Variants in FOXF2 observed in about 807,000 individuals in gnomAD.
FOXF2 encodes forkhead box F2, also known as forkhead box protein F2.
Under a neutral mutation model 29.1 loss-of-function variants are expected in FOXF2, and 15 were observed. The observed-to-expected ratio is 0.52, with a 90% CI of 0.35 to 0.79. The LOEUF is 0.79. FOXF2 is among the 30% of genes least tolerant of loss of function. The pLI is 0.01. For missense variants in FOXF2, 675 were observed against 667.1 expected (o/e 1.01, Z -0.13); for synonymous variants, 337 against 316.5 (o/e 1.06, Z -0.69).
chr6:1,392,028 G>A (rs1461118818), intron 1 of FOXF2, among the ~76,000 whole-genome samples: 2 of 152,162 alleles, frequency 1.3e-5, no homozygotes, highest in South Asian at 2.1e-4. Context: ...AGCACCTAGG[G>A]CTGCAGATTA....
chr6:1,391,200 A>C, intron 1 of FOXF2, 82 bp downstream of exon 1: 2 of 1,570,588 alleles, frequency 1.3e-6, no homozygotes, highest in East Asian at 4.6e-5. Context: ...CACTCCCACA[A>C]ACAGGGACCC....
rs1758876345 is a variant in FOXF2, at chr6:1,395,033, G to T, written c.*174G>T. The T allele has an allele frequency of 3.0e-6, 2 of 666,388 alleles. No individual in the cohort carries two copies. The highest frequency in any genetic ancestry group is 5.1e-5 in the Admixed American group (2 of 39,236). 41.3% of individuals were successfully genotyped at this position (666,388 alleles called of 1,614,324 possible). On this transcript the variant is annotated 3_prime_UTR_variant, in exon 2 of 2. Transcript: ENST00000645481. ...CACTGTTATTTGCCTACTGCTGGAA[G>T]AAGGACAACCGCTGGCAAGGTAGCG...
At position 1,395,052 on chromosome 6, in the gene FOXF2, G is replaced by C. The variant is rs574899172; in HGVS notation, c.*193G>C. Reference sequence around the variant, plus strand: ...CTGGAAGAAGGACAACCGCTGGCAAGGTAGCGTTCCCCAATCTGAATACCT... The same window carrying C: ...CTGGAAGAAGGACAACCGCTGGCAACGTAGCGTTCCCCAATCTGAATACCT... On this transcript the variant is annotated 3_prime_UTR_variant, in exon 2 of 2. Coordinates refer to ENST00000645481, the MANE Select transcript of FOXF2 (RefSeq NM_001452.2). 2 of 621,872 alleles carry C rather than the reference G, an allele frequency of 3.2e-6. No individual in the cohort carries two copies. The highest frequency in any genetic ancestry group is 1.9e-5 in the South Asian group (1 of 52,284). 38.5% of individuals were successfully genotyped at this position (621,872 alleles called of 1,614,324 possible).
At chr6:1,393,915 G>A (rs1758848522) in intron 1 of FOXF2, among the ~76,000 whole-genome samples, 1 of 152,182 alleles carries the variant, frequency 6.6e-6, no homozygotes, top group African/African-American at 2.4e-5. Flanking sequence ...GGTGCAGGCC[G>A]GGGACCGGGG....
chr6:1,394,149 C>A (rs1268566843), intron 1 of FOXF2, among the ~76,000 whole-genome samples: 1 of 152,252 alleles, frequency 6.6e-6, no homozygotes, highest in Non-Finnish European at 1.5e-5. Flanking sequence ...CTTCATCTTG[C>A]GATTGGGTTG....
chr6:1,391,183 C>T, intron 1 of FOXF2, 65 bp downstream of exon 1: 1 of 1,580,400 alleles, frequency 6.3e-7, no homozygotes, highest in Non-Finnish European at 8.5e-7. Flanking sequence ...GGGCTGGCGG[C>T]CACTGCCACT....
At chr6:1,392,879 CG>C (rs1283732647) in intron 1 of FOXF2, among the ~76,000 whole-genome samples, 2 of 152,208 alleles carry the variant, frequency 1.3e-5, no homozygotes, top group African/African-American at 4.8e-5. Flanking sequence ...TGGGAACGCC[CG>C]GGGGAGACAA....
At chr6:1,392,477 C>CAA (rs3063208) in intron 1 of FOXF2, among the ~76,000 whole-genome samples, 3 of 149,486 alleles carry the variant, frequency 2.0e-5, no homozygotes, top group East Asian at 4.1e-4. Flanking sequence ...CACACACACA[C>CAA]CCCTCGGTGC....
In FOXF2 at chr6:1,389,945, CAG is replaced by C; in HGVS notation, c.-1_1del. ...GCGGCCCGGCCTCGCTCCCGGGTCC[CAG>C]ATGACCACCGAGGGCGGGCCGCCGC... On this transcript the variant is annotated 5_prime_UTR_variant, in exon 1 of 2. Transcript: ENST00000645481. 1.0e-6 allele frequency: 1 copy of C among 989,426 alleles called. No homozygotes were observed. The highest frequency in any genetic ancestry group is 1.2e-6 in the Non-Finnish European group (1 of 833,982). The allele number at this position is 989,426 out of a possible 1,614,324, so 61.3% of individuals were successfully genotyped here.
rs1049098009 is a variant in FOXF2, at chr6:1,390,644, G to A, written c.697G>A (p.Ala233Thr). 7.0e-6 allele frequency: 11 copies of A among 1,572,908 alleles called. No individual in the cohort carries two copies. In the Middle Eastern group the frequency reaches 1.0e-3, roughly 148 times the overall value. The change falls in exon 1 of 2, where the codon GCG becomes ACG. Residue 233 changes from alanine (A) to threonine (T), a missense_variant. By Grantham distance (58) the Ala-to-Thr change is moderately conservative (BLOSUM62 0). Around this residue, in one of 3 missense-constraint regions of FOXF2, gnomAD observed 451 missense variants for 437.2 expected, o/e 1.03. Transcript: ENST00000645481. This position sits in a 1 kb window ranked among gnomAD's most constrained non-coding sequence, Gnocchi z 8.5. ...CTTCGACTTCCAGGCGCCCCCGTCGGCGCCGCTCGGCTGCCACAGCCAGGG... is the reference window on the plus strand; with the variant it reads ...CTTCGACTTCCAGGCGCCCCCGTCGACGCCGCTCGGCTGCCACAGCCAGGG... ...QGFDFQAPPS[A>T]PLGCHSQGGY...
chr6:1,391,405 G>A (rs989146397), intron 1 of FOXF2, among the ~76,000 whole-genome samples: 2 of 152,260 alleles, frequency 1.3e-5, no homozygotes, highest in Non-Finnish European at 1.5e-5. Flanking sequence ...GGATCCCTGT[G>A]CAGGAGACTG....
intron 1 of FOXF2, among the ~76,000 whole-genome samples, chr6:1,391,617 C>T (rs1045453344): frequency 1.3e-5 from 2 of 151,350 alleles, no homozygotes; most frequent in African/African-American, 2.4e-5. Context: ...TGCAGCTGGG[C>T]AAGTGTTAAG....
In FOXF2 at chr6:1,390,527, C is replaced by T; in HGVS notation, c.580C>T (p.Arg194Cys). 6.2e-7 allele frequency: 1 copy of T among 1,609,604 alleles called. No homozygotes were observed. Among genetic ancestry groups the T allele is most frequent in the Non-Finnish European group, 8.5e-7 (1 of 1,179,326 alleles). ...GGAGGGCTCGTTCCGCCGCCGGCCG[C>T]GCGGCTTCAGGCGGAAGTGCCAGGC... ...FEEGSFRRRPRGFRRKCQALK... is the reference protein window; with the variant it reads ...FEEGSFRRRPCGFRRKCQALK... The change falls in exon 1 of 2, where the codon CGC becomes TGC. Residue 194 changes from arginine to cysteine, a missense_variant. Around this residue, in one of 3 missense-constraint regions of FOXF2, gnomAD observed 451 missense variants for 437.2 expected, o/e 1.03. Transcript: ENST00000645481. This position sits in a 1 kb window ranked among gnomAD's most constrained non-coding sequence, Gnocchi z 8.5.
chr6:1,391,297 A>C (rs769728708), intron 1 of FOXF2, among the ~76,000 whole-genome samples, 179 bp downstream of exon 1: 3 of 152,216 alleles, frequency 2.0e-5, no homozygotes, highest in Non-Finnish European at 4.4e-5. Context: ...TCAGGGTCTT[A>C]CTGTCCTCCC....
In FOXF2 at chr6:1,391,065, C is replaced by T; in HGVS notation, c.1118C>T (p.Ser373Phe). Residue 373 changes from serine (S) to phenylalanine (F), a missense_variant, in exon 1 of 2, where the codon TCC becomes TTC. By Grantham distance (155) the Ser-to-Phe change is radical. Coordinates refer to ENST00000645481, the MANE Select transcript of FOXF2 (RefSeq NM_001452.2). ...ASAGLHSSMSSYSLEQSYLHQ... is the reference protein window; with the variant it reads ...ASAGLHSSMSFYSLEQSYLHQ... ...GCAGGCCTGCACTCCAGCATGTCCT[C>T]CTACTCGCTGGAGCAGAGCTACTTG... is the stretch of plus-strand genomic sequence containing the variant. 1 of 1,603,192 alleles carries T rather than the reference C, an allele frequency of 6.2e-7. No homozygotes were observed. Among genetic ancestry groups the T allele is most frequent in the Non-Finnish European group, 8.5e-7 (1 of 1,179,190 alleles).
In FOXF2 at chr6:1,394,935, C is replaced by A. The variant is rs1758873917; in HGVS notation, c.*76C>A. 2.7e-6 allele frequency: 4 copies of A among 1,460,876 alleles called. No individual in the cohort carries two copies. Among genetic ancestry groups the A allele is most frequent in the African/African-American group, 1.4e-5 (1 of 71,808 alleles). The allele number at this position is 1,460,876 out of a possible 1,614,324, so 90.5% of individuals were successfully genotyped here. ...GGGCAGATAGAAACTGGGACGGATT[C>A]AAGTCACATGCACGCGGATAGCAGT... On this transcript the variant is annotated 3_prime_UTR_variant, in exon 2 of 2. Coordinates refer to ENST00000645481, the MANE Select transcript of FOXF2 (RefSeq NM_001452.2).
chr6:1,390,652 C>G lies in FOXF2; in HGVS notation c.705C>G (p.Leu235=). ...FDFQAPPSAP[L]GCHSQGGYGG... ...TCCAGGCGCCCCCGTCGGCGCCGCT[C>G]GGCTGCCACAGCCAGGGCGGCTACG... The change falls in exon 1 of 2, where the codon CTC becomes CTG. Residue 235 remains leucine, a synonymous_variant. Coordinates refer to ENST00000645481, the MANE Select transcript of FOXF2 (RefSeq NM_001452.2). This position sits in a 1 kb window ranked among gnomAD's most constrained non-coding sequence, Gnocchi z 8.5. 6.4e-7 allele frequency: 1 copy of G among 1,568,736 alleles called. No homozygotes were observed. Among genetic ancestry groups the G allele is most frequent in the Non-Finnish European group, 8.6e-7 (1 of 1,166,208 alleles).
At chr6:1,394,082 A>T (rs974518817) in intron 1 of FOXF2, among the ~76,000 whole-genome samples, 2 of 152,066 alleles carry the variant, frequency 1.3e-5, no homozygotes, top group African/African-American at 2.4e-5. Context: ...GACGTTCGGG[A>T]CCCACGAAGA....
chr6:1,390,521 C>T lies in FOXF2; in HGVS notation c.574C>T (p.Arg192Trp). ...FMFEEGSFRR[R>W]PRGFRRKCQA... is the part of the protein sequence containing the mutation. ...GTTCGAGGAGGGCTCGTTCCGCCGC[C>T]GGCCGCGCGGCTTCAGGCGGAAGTG... The change falls in exon 1 of 2, where the codon CGG becomes TGG. Residue 192 changes from arginine (R) to tryptophan (W), a missense_variant. Physicochemically the swap from Arg to Trp is moderately radical, Grantham distance 101. This residue lies in a region of FOXF2 where 451 missense variants were observed against 437.2 expected (regional missense o/e 1.03). Transcript: ENST00000645481. The surrounding 1 kb of genome is among the most constrained non-coding windows in gnomAD (Gnocchi z 8.5). The T allele has an allele frequency of 1.2e-6, 2 of 1,609,892 alleles. No homozygotes were observed. The highest frequency in any genetic ancestry group is 8.5e-7 in the Non-Finnish European group (1 of 1,179,356).
Sources: gnomAD v4.1 joint callset for allele counts (sites outside exome capture counted in the v4.1 genomes callset) on GRCh38, gnomAD v4.1.1 for gene constraint, gnomAD v4.1.1 regional missense constraint, Gnocchi (gnomAD v3.1) non-coding constraint, MANE v1.5 for transcripts, NCBI Gene and HGNC (gene_info 2026-07-23, HGNC 2026-07-21) for gene names.